DAB1: variants seen among roughly 807,000 people sequenced by gnomAD.
The protein encoded by DAB1 is DAB adaptor protein 1.
DAB1 carries 15 observed loss-of-function variants against 64.6 expected under a neutral mutation model. That is an observed-to-expected ratio of 0.23 (90% CI 0.16 to 0.36). The LOEUF is 0.36. DAB1 is among the 10% of genes least tolerant of loss of function. The pLI is 1.00. For synonymous variants in DAB1, 235 were observed against 251.9 expected, an observed-to-expected ratio of 0.93 and a Z score of 0.64; for missense variants, 596 against 706.7, an observed-to-expected ratio of 0.84 and a Z score of 1.78.
intron 2 of DAB1, among the ~76,000 whole-genome samples, chr1:57,189,223 C>T (rs1663894321): frequency 6.6e-6 from 1 of 152,158 alleles, no homozygotes; most frequent in Admixed American, 6.5e-5. Context: ...AGTGGTTTCA[C>T]CACAAGATAT....
In DAB1 at chr1:57,621,089, G is replaced by C. The variant is rs1010488959; in HGVS notation, n.625+28503C>G. 5.9e-5 allele frequency among the ~76,000 whole-genome samples: 9 copies of C among 151,990 alleles called. No homozygotes were observed. The South Asian group carries it at 1.9e-3, about 32-fold the overall frequency. On this transcript the variant is annotated intron_variant and non_coding_transcript_variant, in intron 7 of 20. Transcript: ENST00000485760. ...TGTGTGCCTGTTTGTCTGAGAATGT[G>C]TTTGTGTGCATAAGACTGAGAGACA...
intron 7 of DAB1, among the ~76,000 whole-genome samples, chr1:57,616,712 A>G (rs993846285): frequency 6.6e-6 from 1 of 152,216 alleles, no homozygotes; most frequent in Non-Finnish European, 1.5e-5. Context: ...TGATGGCCGT[A>G]TCTATCCAAA....
intron 6 of DAB1, among the ~76,000 whole-genome samples, chr1:57,683,631 A>G (rs1646662408): frequency 6.6e-6 from 1 of 152,186 alleles, no homozygotes; most frequent in Admixed American, 6.5e-5. Context: ...ACAATTGACT[A>G]TCCTCAACTT....
intron 7 of DAB1, among the ~76,000 whole-genome samples, chr1:57,550,723 C>T (rs895710319): frequency 2.6e-5 from 4 of 152,084 alleles, no homozygotes; most frequent in South Asian, 2.1e-4. Flanking sequence ...TCCCTGAGTG[C>T]GTTACTTTCT....
intron 5 of DAB1, among the ~76,000 whole-genome samples, chr1:58,054,430 T>C (rs987792524): frequency 2.0e-5 from 3 of 152,214 alleles, no homozygotes; most frequent in Non-Finnish European, 2.9e-5. Context: ...CCAACAGACA[T>C]GCATGGGGAC....
At chr1:57,744,539 G>C (rs1212158900) in intron 6 of DAB1, among the ~76,000 whole-genome samples, 1 of 152,028 alleles carries the variant, frequency 6.6e-6, no homozygotes, top group Non-Finnish European at 1.5e-5. Flanking sequence ...ACCATTCTAA[G>C]TACTTGTAAT....
intron 7 of DAB1, among the ~76,000 whole-genome samples, chr1:57,434,103 A>G (rs1395937974): frequency 3.3e-5 from 5 of 152,158 alleles, no homozygotes; most frequent in African/African-American, 1.2e-4. Context: ...TTAAACATCC[A>G]CCTACTCAGG....
intron 3 of DAB1, among the ~76,000 whole-genome samples, chr1:58,411,767 CT>C (rs1644671714): frequency 6.6e-6 from 1 of 152,214 alleles, no homozygotes; most frequent in African/African-American, 2.4e-5. Flanking sequence ...AAAATCCTTT[CT>C]GTCTGAACTC....
rs146134812 is a variant in DAB1 at position 57,287,943 on chromosome 1, G to A, written c.67+3021C>T. ...CCCGAGTAGCTGGGATTACAGGTGC[G>A]TGCCACCATGCCTGACTAATTTTTG... On this transcript the variant is annotated intron_variant, in intron 2 of 14. Coordinates refer to ENST00000371236, the MANE Select transcript of DAB1 (RefSeq NM_001365792.1). Among the ~76,000 whole-genome samples, 1,247 of 151,986 alleles carry A rather than the reference G, an allele frequency of 8.2e-3. 31 individuals carry two copies. Among genetic ancestry groups the A allele is most frequent in the East Asian group, 0.079 (408 of 5,142 alleles).
chr1:57,582,096 T>C (rs1286818012), intron 7 of DAB1, among the ~76,000 whole-genome samples: 3 of 152,174 alleles, frequency 2.0e-5, no homozygotes, highest in African/African-American at 7.2e-5. Context: ...AATCTTACCA[T>C]GGGACTCTAC....
At chr1:57,212,061 G>A (rs1280765300) in intron 2 of DAB1, among the ~76,000 whole-genome samples, 1 of 152,196 alleles carries the variant, frequency 6.6e-6, no homozygotes, top group Admixed American at 6.5e-5. Flanking sequence ...TACACAGGCA[G>A]AGCCAGAGAA....
At chr1:58,264,218 C>T (rs1315605180) in intron 4 of DAB1, among the ~76,000 whole-genome samples, 2 of 152,178 alleles carry the variant, frequency 1.3e-5, no homozygotes, top group South Asian at 2.1e-4. Context: ...ATAAAGTGCT[C>T]AGCACAGAGT....
chr1:57,577,159 C>A (rs946440579), intron 7 of DAB1, among the ~76,000 whole-genome samples: 1 of 152,146 alleles, frequency 6.6e-6, no homozygotes, highest in Non-Finnish European at 1.5e-5. Context: ...CACTTTGGTA[C>A]CCATTCAGAT....
intron 7 of DAB1, among the ~76,000 whole-genome samples, chr1:57,540,641 T>A (rs540324097): frequency 3.3e-5 from 5 of 152,284 alleles, no homozygotes; most frequent in Admixed American, 6.5e-5. Flanking sequence ...ATCCTGTCAT[T>A]TGCATATCCT....
intron 7 of DAB1, among the ~76,000 whole-genome samples, chr1:57,597,834 T>A (rs772010708): frequency 6.6e-6 from 1 of 152,234 alleles, no homozygotes; most frequent in Non-Finnish European, 1.5e-5. Flanking sequence ...TTCAGCAAAC[T>A]AATTTTTTTA....
At chr1:57,678,737 T>C (rs1646598709) in intron 6 of DAB1, among the ~76,000 whole-genome samples, 1 of 151,018 alleles carries the variant, frequency 6.6e-6, no homozygotes, top group African/African-American at 2.4e-5. Context: ...GTATCTTCTC[T>C]GGCATTCGTC....
At chr1:57,467,323 T>C (rs1686986005) in intron 7 of DAB1, among the ~76,000 whole-genome samples, 1 of 152,202 alleles carries the variant, frequency 6.6e-6, no homozygotes, top group South Asian at 2.1e-4. Flanking sequence ...ATATATAATA[T>C]GAGTTCAATG....
At chr1:57,522,230 A>G (rs562055895) in intron 7 of DAB1, among the ~76,000 whole-genome samples, 13 of 152,300 alleles carry the variant, frequency 8.5e-5, no homozygotes, top group South Asian at 8.3e-4. Context: ...CTAAGACTAT[A>G]TACAGAACAG....
chr1:58,004,762 A>G (rs1187992), intron 5 of DAB1, among the ~76,000 whole-genome samples: 97,725 of 151,896 alleles, frequency 0.64, 32,385 homozygotes, highest in East Asian at 0.97. Context: ...TCATTGCATG[A>G]CGTGTTTGTG....
Sources: allele counts gnomAD v4.1 joint callset (sites outside exome capture counted in the v4.1 genomes callset), GRCh38; gene constraint gnomAD v4.1.1; transcripts MANE v1.5; gene names NCBI Gene and HGNC (gene_info 2026-07-23, HGNC 2026-07-21).